The following ATP8A2 variants were observed in gnomAD, a reference collection of about 807,000 sequenced individuals.
ATP8A2 encodes the protein phospholipid-transporting ATPase IB.
A neutral mutation model predicts 165.6 loss-of-function variants in ATP8A2; 100 were observed. The ratio of observed to expected loss-of-function variants is 0.60; its 90% CI spans 0.51 to 0.71. The LOEUF (loss-of-function observed/expected upper bound fraction) is 0.71, where lower values mean the gene tolerates loss of function less well. Among genes scored for constraint, ATP8A2 ranks in the 30% least tolerant of loss-of-function variants. The pLI is 0.00. For synonymous variants in ATP8A2, 543 were observed against 548.8 expected (o/e 0.99, Z 0.15); for missense variants, 1,227 against 1,479.5 (o/e 0.83, Z 2.80).
intron 33 of ATP8A2, among the ~76,000 whole-genome samples, chr13:25,931,616 G>A (rs927550271): frequency 6.6e-6 from 1 of 152,176 alleles, no homozygotes; most frequent in Non-Finnish European, 1.5e-5. Context: ...TCGTGAGGCT[G>A]AGAGCACTGA....
At chr13:25,679,531 G>T (rs2042439806) in intron 24 of ATP8A2, among the ~76,000 whole-genome samples, 1 of 152,132 alleles carries the variant, frequency 6.6e-6, no homozygotes, top group African/African-American at 2.4e-5. Context: ...TGACACTTAT[G>T]ACTGTCAGCA....
At chr13:25,726,899 T>G (rs1362790646) in intron 25 of ATP8A2, among the ~76,000 whole-genome samples, 1 of 152,116 alleles carries the variant, frequency 6.6e-6, no homozygotes, top group Non-Finnish European at 1.5e-5. Flanking sequence ...GCAGGAATGC[T>G]GGGAGGAAGG....
intron 24 of ATP8A2, among the ~76,000 whole-genome samples, chr13:25,674,251 A>G (rs2042325580): frequency 6.6e-6 from 1 of 151,070 alleles, no homozygotes; most frequent in African/African-American, 2.5e-5. Context: ...AACTCCTATG[A>G]GGGTCCAGAT....
intron 24 of ATP8A2, among the ~76,000 whole-genome samples, chr13:25,622,130 C>T (rs2040984247): frequency 6.7e-6 from 1 of 149,844 alleles, no homozygotes; most frequent in Non-Finnish European, 1.5e-5. Flanking sequence ...TGCTTGAACC[C>T]GGGAGGTGGA....
chr13:25,841,174 A>G (rs1378402426), intron 30 of ATP8A2, among the ~76,000 whole-genome samples: 1 of 152,216 alleles, frequency 6.6e-6, no homozygotes, highest in Non-Finnish European at 1.5e-5. Flanking sequence ...AGATTCCATT[A>G]TGTAAGTCCA....
intron 25 of ATP8A2, among the ~76,000 whole-genome samples, chr13:25,743,448 T>TTAGCATGG (rs140720706): frequency 0.02 from 3,095 of 152,254 alleles, 97 homozygotes; most frequent in East Asian, 0.15. Context: ...AGGGGAGATG[T>TTAGCATGG]TAGCATGGAG....
At chr13:25,676,945 C>CT (rs1293128708) in intron 24 of ATP8A2, among the ~76,000 whole-genome samples, 2 of 152,096 alleles carry the variant, frequency 1.3e-5, no homozygotes, top group African/African-American at 2.4e-5. Flanking sequence ...CCTCTAACTT[C>CT]TTTTTTTGTT....
intron 33 of ATP8A2, among the ~76,000 whole-genome samples, chr13:25,935,355 C>T (rs1372862099): frequency 6.6e-6 from 1 of 152,176 alleles, no homozygotes; most frequent in Non-Finnish European, 1.5e-5. Context: ...TCAACTTCCC[C>T]TGCTGGGCAG....
chr13:25,597,501 G>A (rs1027586520), intron 24 of ATP8A2, among the ~76,000 whole-genome samples: 4 of 152,226 alleles, frequency 2.6e-5, no homozygotes, highest in Non-Finnish European at 5.9e-5. Flanking sequence ...GGGCCATGTG[G>A]CAAGAAATTG....
chr13:25,647,486 A>T (rs2041702771), intron 24 of ATP8A2, among the ~76,000 whole-genome samples: 1 of 152,006 alleles, frequency 6.6e-6, no homozygotes, highest in African/African-American at 2.4e-5. Flanking sequence ...ACCCCTTTGT[A>T]TGTAATGTAT....
At chr13:25,856,327 T>A (rs1952165796) in intron 30 of ATP8A2, among the ~76,000 whole-genome samples, 2 of 152,262 alleles carry the variant, frequency 1.3e-5, no homozygotes, top group South Asian at 2.1e-4. Flanking sequence ...TTATAAGTGG[T>A]AGCTAAGTAA....
intron 25 of ATP8A2, among the ~76,000 whole-genome samples, chr13:25,737,204 T>C (rs1371756024): frequency 6.6e-6 from 1 of 152,214 alleles, no homozygotes; most frequent in African/African-American, 2.4e-5. Context: ...TACTTCACTT[T>C]TAAATATGAG....
At chr13:25,992,798 A>G (rs1186772614) in intron 35 of ATP8A2, among the ~76,000 whole-genome samples, 3 of 151,542 alleles carry the variant, frequency 2.0e-5, no homozygotes, top group Non-Finnish European at 2.9e-5. Context: ...CTAACTCGTC[A>G]TCTAGCATTA....
chr13:25,739,347 A>G (rs2043856784), intron 25 of ATP8A2, among the ~76,000 whole-genome samples: 1 of 152,240 alleles, frequency 6.6e-6, no homozygotes. Flanking sequence ...TTGAATGGGA[A>G]ATTCTGTTCT....
intron 33 of ATP8A2, among the ~76,000 whole-genome samples, chr13:25,890,751 T>C (rs1953333779): frequency 6.6e-6 from 1 of 152,236 alleles, no homozygotes; most frequent in African/African-American, 2.4e-5. Flanking sequence ...TAGAAATGAA[T>C]ATCCCATAGA....
chr13:25,949,018 C>T (rs1251483765), intron 33 of ATP8A2, among the ~76,000 whole-genome samples: 7 of 152,220 alleles, frequency 4.6e-5, no homozygotes, highest in Non-Finnish European at 5.9e-5. Context: ...CCTTCCTCAG[C>T]GGTGCCTCCA....
intron 24 of ATP8A2, among the ~76,000 whole-genome samples, chr13:25,606,608 C>A (rs1396723907): frequency 2.0e-5 from 3 of 152,064 alleles, no homozygotes; most frequent in Admixed American, 6.6e-5. Context: ...ATATTCATTT[C>A]GTTATTCAGG....
chr13:25,778,896 A>T (rs937840728), intron 27 of ATP8A2, among the ~76,000 whole-genome samples: 1 of 152,194 alleles, frequency 6.6e-6, no homozygotes, highest in South Asian at 2.1e-4. Flanking sequence ...TATGAATTAA[A>T]ACTGGGTTTT....
chr13:25,816,293 G>A (rs1308424017), intron 27 of ATP8A2, among the ~76,000 whole-genome samples: 3 of 152,194 alleles, frequency 2.0e-5, no homozygotes. Context: ...TCATGTATTT[G>A]GAGAATTCAT....
Sources: allele counts gnomAD v4.1 joint callset (sites outside exome capture counted in the v4.1 genomes callset), GRCh38; gene constraint gnomAD v4.1.1; transcripts MANE v1.5; gene names NCBI Gene and HGNC (gene_info 2026-07-23, HGNC 2026-07-21).